The following CCDC180 variants were observed in gnomAD, a reference collection of about 807,000 sequenced individuals.
CCDC180 encodes the protein coiled-coil domain containing 180, also known as coiled-coil domain-containing protein 180.
In CCDC180, 154 loss-of-function variants were observed where a neutral mutation model predicts 209.2. The observed-to-expected ratio is 0.74, with a 90% CI of 0.65 to 0.84. CCDC180 has a LOEUF of 0.84. CCDC180 is among the 40% of genes least tolerant of loss of function. The probability of loss-of-function intolerance (pLI) is 0.00; values close to 1 mark genes in which losing one functional copy is unlikely to be tolerated. For missense variants in CCDC180, 1,874 were observed against 1,997.3 expected (o/e 0.94, Z 1.18); for synonymous variants, 778 against 749.1 (o/e 1.04, Z -0.63).
intron 17 of CCDC180, 50 bp downstream of exon 17, chr9:97,330,243 C>G: frequency 1.9e-6 from 3 of 1,609,988 alleles, no homozygotes; most frequent in Non-Finnish European, 2.6e-6. Context: ...CACTCTTACG[C>G]GTTTGTGGGT....
chr9:97,344,436 T>A (rs1826187359), intron 19 of CCDC180, among the ~76,000 whole-genome samples: 2 of 152,204 alleles, frequency 1.3e-5, no homozygotes, highest in Non-Finnish European at 1.5e-5. Flanking sequence ...CCAGAGGCCA[T>A]CATCTGCCCT....
At chr9:97,336,267 G>C (rs1172045305) in intron 18 of CCDC180, among the ~76,000 whole-genome samples, 1 of 152,152 alleles carries the variant, frequency 6.6e-6, no homozygotes, top group Non-Finnish European at 1.5e-5. Flanking sequence ...TAATGCCTAG[G>C]TTTTCTTCTA....
At chr9:97,307,939 T>A in intron 1 of CCDC180, 44 bp from the exon 2 acceptor site, 1 of 1,582,348 alleles carries the variant, frequency 6.3e-7, no homozygotes, top group Non-Finnish European at 8.6e-7. Flanking sequence ...TCGTCCCGCC[T>A]GGACCTGAAC....
chr9:97,309,731 G>A, intron 3 of CCDC180, 127 bp downstream of exon 3: 1 of 700,984 alleles, frequency 1.4e-6, no homozygotes, highest in South Asian at 2.5e-5. Flanking sequence ...CCTAAAGCAG[G>A]GAGGCTAATA....
chr9:97,374,823 C>T (rs777031509), intron 35 of CCDC180, among the ~76,000 whole-genome samples, 175 bp downstream of exon 35: 2 of 152,180 alleles, frequency 1.3e-5, no homozygotes, highest in Non-Finnish European at 2.9e-5. Flanking sequence ...TTGATATTAT[C>T]AAGAGAAAGT....
intron 20 of CCDC180, among the ~76,000 whole-genome samples, chr9:97,348,601 G>T (rs1436917718): frequency 6.6e-6 from 1 of 152,128 alleles, no homozygotes; most frequent in Non-Finnish European, 1.5e-5. Context: ...GGGGTCGGGG[G>T]GGTCTAGGGA....
chr9:97,347,008 G>T (rs1434777089), intron 19 of CCDC180, among the ~76,000 whole-genome samples: 1 of 152,174 alleles, frequency 6.6e-6, no homozygotes, highest in Non-Finnish European at 1.5e-5. Context: ...AATACAAATT[G>T]CCTTCTAGTG....
At chr9:97,363,353 C>A (rs1479798795) in intron 28 of CCDC180, among the ~76,000 whole-genome samples, 1 of 152,172 alleles carries the variant, frequency 6.6e-6, no homozygotes, top group African/African-American at 2.4e-5. Flanking sequence ...TCACTTCCTG[C>A]AAATCTGACT....
chr9:97,345,119 T>G (rs74928160), intron 19 of CCDC180, among the ~76,000 whole-genome samples: 4,357 of 152,312 alleles, frequency 0.029, 74 homozygotes, highest in African/African-American at 0.056. Flanking sequence ...ACATTTGGTC[T>G]TTCCAATTTG....
At chr9:97,361,993 C>T in intron 27 of CCDC180, 95 bp downstream of exon 27, 1 of 1,435,832 alleles carries the variant, frequency 7.0e-7, no homozygotes, top group Admixed American at 2.2e-5. Context: ...CACTGGGGTT[C>T]CCACGTGAGT....
At chr9:97,370,509 GC>G in intron 32 of CCDC180, 131 bp from the exon 33 acceptor site, 2 of 1,002,730 alleles carry the variant, frequency 2.0e-6, no homozygotes, top group Non-Finnish European at 3.0e-6. Context: ...CCACTCTTCT[GC>G]CCACCCATCA....
Position 97,376,772 on chromosome 9 carries a change from G to T in CCDC180, c.4852G>T (p.Ala1618Ser). Residue 1618 changes from alanine to serine, a missense_variant, in exon 37 of 37, where the codon GCA becomes TCA. Transcript: ENST00000529487. ...GCTACCTTCCTTCTAGAAATATTTA[G>T]CATCATTTGAGGAGGAGCTAAAGAG... ...ARDAVYLKYL[A>S]SFEEELKRIQ... is the part of the protein sequence containing the mutation. The T allele has an allele frequency of 6.2e-7, 1 of 1,613,102 alleles. No individual in the cohort carries two copies. Among genetic ancestry groups the T allele is most frequent in the Non-Finnish European group, 8.5e-7 (1 of 1,179,778 alleles).
intron 19 of CCDC180, among the ~76,000 whole-genome samples, chr9:97,344,287 G>A (rs1826183126): frequency 1.3e-5 from 2 of 152,152 alleles, no homozygotes; most frequent in African/African-American, 4.8e-5. Context: ...TTCACCTCCT[G>A]TATGTAACAT....
In CCDC180 at chr9:97,370,696, A is replaced by G. The variant is rs1379637616; in HGVS notation, c.4406A>G (p.Glu1469Gly). 1.9e-6 allele frequency: 3 copies of G among 1,614,210 alleles called. No individual in the cohort carries two copies. The highest frequency in any genetic ancestry group is 1.1e-5 in the South Asian group (1 of 91,082). The change falls in exon 33 of 37, where the codon GAA becomes GGA. Residue 1469 changes from glutamate (E) to glycine (G), a missense_variant. Transcript: ENST00000529487. ...CTTGGACACCCCGTACATTTCCAAGAAATGGAGTCTCTACACTTAAGTGAA... is the reference window on the plus strand; with the variant it reads ...CTTGGACACCCCGTACATTTCCAAGGAATGGAGTCTCTACACTTAAGTGAA... ...LNLGHPVHFQ[E>G]MESLHLSEEE...
chr9:97,347,327 T>C lies in CCDC180; in HGVS notation c.2512T>C (p.Phe838Leu). 2 of 1,536,014 alleles carry C rather than the reference T, an allele frequency of 1.3e-6. No homozygotes were observed. The highest frequency in any genetic ancestry group is 1.7e-6 in the Non-Finnish European group (2 of 1,146,896). ...LEIKKQLRAG[F>L]FEHLEKWFDQ... ...TCTCGCCCTCAGACTTCGAGCTGGC[T>C]TCTTCGAGCACCTTGAGAAGTGGTT... The change falls in exon 20 of 37, where the codon TTC becomes CTC. Residue 838 changes from phenylalanine (F) to leucine (L), a missense_variant. Transcript: ENST00000529487.
At chr9:97,320,277 G>A in intron 11 of CCDC180, 72 bp downstream of exon 11, 1 of 1,376,016 alleles carries the variant, frequency 7.3e-7, no homozygotes, top group Non-Finnish European at 1.0e-6. Context: ...CTGAAGCTCA[G>A]CCAAATGAGT....
chr9:97,355,050 C>T (rs1351524784), intron 24 of CCDC180, 42 bp downstream of exon 24: 2 of 1,311,672 alleles, frequency 1.5e-6, no homozygotes, highest in Non-Finnish European at 2.2e-6. Context: ...TTATCACACA[C>T]ACCTGCACAC....
At chr9:97,307,946 G>C (rs747008755) in intron 1 of CCDC180, 37 bp from the exon 2 acceptor site, 3 of 1,582,020 alleles carry the variant, frequency 1.9e-6, no homozygotes, top group African/African-American at 2.7e-5. Flanking sequence ...GCCTGGACCT[G>C]AACCTGAGTT....
chr9:97,331,536 CT>C (rs1231754305), intron 18 of CCDC180, among the ~76,000 whole-genome samples: 1 of 152,162 alleles, frequency 6.6e-6, no homozygotes, highest in Non-Finnish European at 1.5e-5. Flanking sequence ...TAAGCATACC[CT>C]TTTCTCTGCA....
Sources: allele counts gnomAD v4.1 joint callset (sites outside exome capture counted in the v4.1 genomes callset), GRCh38; gene constraint gnomAD v4.1.1; transcripts MANE v1.5; gene names NCBI Gene and HGNC (gene_info 2026-07-23, HGNC 2026-07-21).